The following ZMIZ1 variants were observed in gnomAD, a reference collection of about 807,000 sequenced individuals.
The protein encoded by ZMIZ1 is zinc finger MIZ-type containing 1, also known as zinc finger MIZ domain-containing protein 1.
ZMIZ1 carries 17 observed loss-of-function variants against 113.9 expected under a neutral mutation model. The observed-to-expected ratio is 0.15, with a 90% CI of 0.10 to 0.22. The LOEUF is 0.22. Ranked by LOEUF, ZMIZ1 falls within the 10% of genes least tolerant of loss-of-function variation. The pLI is 1.00. For missense variants in ZMIZ1, 1,059 were observed against 1,477.8 expected (o/e 0.72, Z 4.65); for synonymous variants, 607 against 603.1 (o/e 1.01, Z -0.09).
intron 6 of ZMIZ1, among the ~76,000 whole-genome samples, chr10:79,214,423 A>T (rs1192069428): frequency 6.6e-6 from 1 of 152,222 alleles, no homozygotes; most frequent in Non-Finnish European, 1.5e-5. Context: ...CCACAGTCCC[A>T]TTCCAAGAGT....
intron 3 of ZMIZ1, among the ~76,000 whole-genome samples, chr10:79,140,136 G>A (rs1388340662): frequency 6.6e-6 from 1 of 152,206 alleles, no homozygotes. Flanking sequence ...AGGGGTCCCA[G>A]CCTTTGTGGA....
At position 79,299,211 on chromosome 10, in the gene ZMIZ1, C is replaced by T. The variant is rs766450645; in HGVS notation, c.1808+20C>T. On this transcript the variant is annotated intron_variant, in intron 16 of 24. Coordinates refer to ENST00000334512, the MANE Select transcript of ZMIZ1 (RefSeq NM_020338.4). ...GTGGAGGTGCGTGTCAGGGCAGGGG[C>T]GCCAGCCCAGGCGGGATGAAGGAGG... 2.1e-5 allele frequency: 34 copies of T among 1,593,186 alleles called. No individual in the cohort carries two copies. In the South Asian group the frequency reaches 2.8e-4, roughly 13 times the overall value.
chr10:79,277,209 C>G lies in ZMIZ1; in HGVS notation c.309C>G (p.Leu103=). The G allele has an allele frequency of 6.3e-7, 1 of 1,575,884 alleles. No individual in the cohort carries two copies. Among genetic ancestry groups the G allele is most frequent in the South Asian group, 1.2e-5 (1 of 86,794 alleles). ...TGTTGTCCTCCTGGTGCGAAGAGCTCGGCCGCCTGCTGCTGCTCCGACATC... is the reference window on the plus strand; with the variant it reads ...TGTTGTCCTCCTGGTGCGAAGAGCTGGGCCGCCTGCTGCTGCTCCGACATC... ...AALLSSWCEE[L]GRLLLLRHQK... is the part of the protein sequence containing the mutation. Residue 103 remains leucine (L), a synonymous_variant, in exon 8 of 25, where the codon CTC becomes CTG. Coordinates refer to ENST00000334512, the MANE Select transcript of ZMIZ1 (RefSeq NM_020338.4).
chr10:79,091,775 A>C (rs1331309505), intron 1 of ZMIZ1, among the ~76,000 whole-genome samples: 3 of 152,164 alleles, frequency 2.0e-5, no homozygotes, highest in African/African-American at 7.2e-5. Context: ...AACAGAGGCC[A>C]AGTTTCTAGG....
intron 4 of ZMIZ1, among the ~76,000 whole-genome samples, chr10:79,167,770 C>T: frequency 6.6e-6 from 1 of 152,172 alleles, no homozygotes; most frequent in Non-Finnish European, 1.5e-5. Flanking sequence ...TGCGCATACA[C>T]CCTAGACGGA....
At chr10:79,282,985 C>A (rs1852835741) in intron 8 of ZMIZ1, among the ~76,000 whole-genome samples, 1 of 152,264 alleles carries the variant, frequency 6.6e-6, no homozygotes, top group Non-Finnish European at 1.5e-5. Flanking sequence ...TGAAGTCTTT[C>A]AACCTCCTTC....
chr10:79,221,370 G>T (rs1411378762), intron 7 of ZMIZ1, among the ~76,000 whole-genome samples: 1 of 152,226 alleles, frequency 6.6e-6, no homozygotes, highest in Non-Finnish European at 1.5e-5. Context: ...CGCGGCCCTG[G>T]ACGCCCAGCC....
intron 1 of ZMIZ1, among the ~76,000 whole-genome samples, chr10:79,082,474 C>G (rs1210951668): frequency 6.6e-6 from 1 of 152,164 alleles, no homozygotes; most frequent in African/African-American, 2.4e-5. Context: ...TTCCAGGCCC[C>G]TAAGACCCAA....
At chr10:79,233,983 A>G (rs185355562) in intron 7 of ZMIZ1, among the ~76,000 whole-genome samples, 7 of 152,164 alleles carry the variant, frequency 4.6e-5, no homozygotes, top group Admixed American at 1.3e-4. Context: ...GGCGAGAGCA[A>G]CCCAGGCTGA....
At chr10:79,134,363 C>T (rs1277072741) in intron 2 of ZMIZ1, among the ~76,000 whole-genome samples, 1 of 152,252 alleles carries the variant, frequency 6.6e-6, no homozygotes, top group Non-Finnish European at 1.5e-5. Context: ...CTATTCTAGA[C>T]TGGACTCCAG....
At chr10:79,262,820 T>C (rs1851352849) in intron 7 of ZMIZ1, among the ~76,000 whole-genome samples, 1 of 152,148 alleles carries the variant, frequency 6.6e-6, no homozygotes, top group Admixed American at 6.5e-5. Flanking sequence ...AGTCTGGTGT[T>C]TGGGCAGCCA....
chr10:79,208,701 C>T lies in ZMIZ1; in HGVS notation c.174+252C>T, dbSNP rs753732562. Reference sequence around the variant, plus strand: ...GGGTTCCCACACTTGATGAGAAAGACGCAGTGTTCACTTTGCAGGTCACTG... The same window carrying T: ...GGGTTCCCACACTTGATGAGAAAGATGCAGTGTTCACTTTGCAGGTCACTG... On this transcript the variant is annotated intron_variant, in intron 6 of 24. Coordinates refer to ENST00000334512, the MANE Select transcript of ZMIZ1 (RefSeq NM_020338.4). Among the ~76,000 whole-genome samples the T allele has an allele frequency of 1.8e-4, 28 of 152,222 alleles. 1 individual carries two copies. Among genetic ancestry groups the T allele is most frequent in the African/African-American group, 4.1e-4 (17 of 41,452 alleles).
At chr10:79,099,590 C>T (rs954085515) in intron 1 of ZMIZ1, among the ~76,000 whole-genome samples, 2 of 152,248 alleles carry the variant, frequency 1.3e-5, no homozygotes, top group Admixed American at 6.5e-5. Context: ...ATCCCCTCCC[C>T]GGCTCCCTTC....
chr10:79,137,409 C>G (rs1199598825), intron 2 of ZMIZ1, among the ~76,000 whole-genome samples: 1 of 152,202 alleles, frequency 6.6e-6, no homozygotes, highest in Non-Finnish European at 1.5e-5. Flanking sequence ...GACACAGAGC[C>G]CTGTGCCCAG....
At chr10:79,179,072 T>C (rs1846998142) in intron 4 of ZMIZ1, among the ~76,000 whole-genome samples, 1 of 152,210 alleles carries the variant, frequency 6.6e-6, no homozygotes, top group Non-Finnish European at 1.5e-5. Context: ...CTTAAACATC[T>C]GCTATCTCTG....
At chr10:79,239,530 A>G (rs1394787060) in intron 7 of ZMIZ1, among the ~76,000 whole-genome samples, 1 of 152,172 alleles carries the variant, frequency 6.6e-6, no homozygotes, top group Non-Finnish European at 1.5e-5. Context: ...AGCCCTGCTG[A>G]ATCAGCAGAC....
In ZMIZ1 at chr10:79,312,779, A is replaced by T. The variant is rs911349101; in HGVS notation, c.*30A>T. On this transcript the variant is annotated 3_prime_UTR_variant, in exon 25 of 25. Coordinates refer to ENST00000334512, the MANE Select transcript of ZMIZ1 (RefSeq NM_020338.4). The stretch of plus-strand genomic sequence containing the variant: ...CACCCGGTCGGGGCCATCCCTCCAC[A>T]CTCTGCATCCTACCCCACCTACCCA... The T allele has an allele frequency of 6.3e-7, 1 of 1,598,586 alleles. No individual in the cohort carries two copies. Among genetic ancestry groups the T allele is most frequent in the Non-Finnish European group, 8.6e-7 (1 of 1,166,386 alleles).
At chr10:79,300,630 A>T in intron 16 of ZMIZ1, 102 bp from the exon 17 acceptor site, 2 of 1,368,332 alleles carry the variant, frequency 1.5e-6, no homozygotes, top group Non-Finnish European at 2.0e-6. Context: ...AGGATCTCGG[A>T]GGTTGTGGTG....
chr10:79,202,491 A>G (rs2132659252), intron 5 of ZMIZ1, among the ~76,000 whole-genome samples: 1 of 152,286 alleles, frequency 6.6e-6, no homozygotes, highest in South Asian at 2.1e-4. Context: ...CTAGGAAATC[A>G]TATCATTTTA....
Sources: gnomAD v4.1 joint callset for allele counts (sites outside exome capture counted in the v4.1 genomes callset) on GRCh38, gnomAD v4.1.1 for gene constraint, MANE v1.5 for transcripts, NCBI Gene and HGNC (gene_info 2026-07-23, HGNC 2026-07-21) for gene names.